RANBP17: variants seen among roughly 807,000 people sequenced by gnomAD.
RANBP17 encodes RAN binding protein 17.
Under a neutral mutation model 141.2 loss-of-function variants are expected in RANBP17, and 158 were observed. The ratio of observed to expected loss-of-function variants is 1.12; its 90% CI spans 0.98 to 1.28. The LOEUF is 1.28. RANBP17 is among the 50% of genes most tolerant of loss of function. RANBP17 has a pLI of 0.00. For synonymous variants in RANBP17, 430 were observed against 450.0 expected (o/e 0.96, Z 0.56); for missense variants, 1,438 against 1,290.7 (o/e 1.11, Z -1.75).
At chr5:171,124,086 A>G (rs1756248641) in intron 14 of RANBP17, among the ~76,000 whole-genome samples, 1 of 152,180 alleles carries the variant, frequency 6.6e-6, no homozygotes. Context: ...GATAAGATAC[A>G]AGAAAACACA....
At chr5:170,904,499 C>A (rs935589024) in intron 5 of RANBP17, 1 of 152,336 alleles carries the variant, frequency 6.6e-6, no homozygotes, top group Admixed American at 6.5e-5. Context: ...CTTAATTTCA[C>A]GTTTTTTCTC....
At chr5:171,100,177 T>C (rs907108231) in intron 14 of RANBP17, among the ~76,000 whole-genome samples, 5 of 152,208 alleles carry the variant, frequency 3.3e-5, no homozygotes, top group African/African-American at 9.6e-5. Context: ...TCAGAAGGAA[T>C]GGTACCAGCT....
chr5:171,201,503 C>T lies in RANBP17; in HGVS notation c.2142+1730C>T, dbSNP rs1420532871. ...ACTCCGTGCTTCCGTCCTAAATGTT[C>T]ATCAAAAGACGCCCTGCAGGAAAAT... On this transcript the variant is annotated intron_variant, in intron 19 of 27. Coordinates refer to ENST00000523189, the MANE Select transcript of RANBP17 (RefSeq NM_022897.5). Among the ~76,000 whole-genome samples, 4 of 152,230 alleles carry T rather than the reference C, an allele frequency of 2.6e-5. No homozygotes were observed. The East Asian group carries it at 7.7e-4, about 29-fold the overall frequency.
chr5:170,928,416 A>G (rs770349537), intron 12 of RANBP17, among the ~76,000 whole-genome samples: 21 of 152,030 alleles, frequency 1.4e-4, no homozygotes, highest in Non-Finnish European at 2.5e-4. Flanking sequence ...ATCTTTTCTA[A>G]CCTAATGCTA....
At chr5:171,192,500 A>G (rs1368595877) in intron 18 of RANBP17, among the ~76,000 whole-genome samples, 2 of 152,144 alleles carry the variant, frequency 1.3e-5, no homozygotes, top group African/African-American at 4.8e-5. Context: ...TCCGGGAACT[A>G]AAATAAACAC....
At chr5:170,907,071 A>T (rs1211509150) in intron 5 of RANBP17, among the ~76,000 whole-genome samples, 1 of 151,948 alleles carries the variant, frequency 6.6e-6, no homozygotes, top group African/African-American at 2.4e-5. Context: ...TATTCTAGTT[A>T]TCAGATGTGA....
intron 12 of RANBP17, among the ~76,000 whole-genome samples, chr5:170,942,315 T>C (rs1774391815): frequency 6.6e-6 from 1 of 152,128 alleles, no homozygotes; most frequent in Non-Finnish European, 1.5e-5. Flanking sequence ...TGTACAATAA[T>C]ATTCATAGCA....
rs139734795 is a variant in RANBP17 at position 171,212,981 on chromosome 5, A to C, written c.2232-650A>C. The stretch of plus-strand genomic sequence containing the variant: ...TTAGAGAATGTCTCCTTGTGTGTAC[A>C]TGGGACTATCTTTAGTGACACTGAT... On this transcript the variant is annotated intron_variant, in intron 20 of 27. Coordinates refer to ENST00000523189, the MANE Select transcript of RANBP17 (RefSeq NM_022897.5). Among the ~76,000 whole-genome samples the C allele has an allele frequency of 7.9e-5, 12 of 152,308 alleles. No homozygotes were observed. In the East Asian group the frequency reaches 2.1e-3, roughly 27 times the overall value.
At chr5:171,255,747 A>G (rs1037412829) in intron 24 of RANBP17, among the ~76,000 whole-genome samples, 1 of 152,144 alleles carries the variant, frequency 6.6e-6, no homozygotes, top group Non-Finnish European at 1.5e-5. Flanking sequence ...TTGTGAGGTT[A>G]TATGTTGGTT....
intron 14 of RANBP17, among the ~76,000 whole-genome samples, chr5:171,005,640 C>A (rs549264061): frequency 1.3e-5 from 2 of 152,140 alleles, no homozygotes; most frequent in Admixed American, 6.5e-5. Flanking sequence ...CCATAAAAAC[C>A]CTAGAAGAAA....
chr5:170,894,039 G>A (rs998587554), intron 4 of RANBP17, among the ~76,000 whole-genome samples: 4 of 152,156 alleles, frequency 2.6e-5, no homozygotes, highest in East Asian at 1.9e-4. Flanking sequence ...TCTTATCTAT[G>A]TTGTTAAAAC....
intron 14 of RANBP17, among the ~76,000 whole-genome samples, chr5:171,131,158 C>T (rs891229136): frequency 6.6e-6 from 1 of 152,176 alleles, no homozygotes; most frequent in African/African-American, 2.4e-5. Flanking sequence ...ATTTAACTCA[C>T]AAGGCTGTTA....
intron 14 of RANBP17, among the ~76,000 whole-genome samples, chr5:171,077,102 G>A (rs1281952774): frequency 6.6e-6 from 1 of 152,172 alleles, no homozygotes; most frequent in Non-Finnish European, 1.5e-5. Flanking sequence ...CACTTTGGGA[G>A]GCCGAGGCAG....
At chr5:170,923,341 T>G (rs1276202404) in intron 11 of RANBP17, among the ~76,000 whole-genome samples, 1 of 152,244 alleles carries the variant, frequency 6.6e-6, no homozygotes, top group Non-Finnish European at 1.5e-5. Context: ...TTCTGGACTC[T>G]GTCTTCATTA....
chr5:170,935,636 C>G (rs1395515897), intron 12 of RANBP17, among the ~76,000 whole-genome samples: 1 of 151,892 alleles, frequency 6.6e-6, no homozygotes. Flanking sequence ...GATGTTGCTG[C>G]CTAATCCTTC....
intron 14 of RANBP17, among the ~76,000 whole-genome samples, chr5:171,058,725 AG>A (rs1783588133): frequency 6.6e-6 from 1 of 150,990 alleles, no homozygotes; most frequent in Non-Finnish European, 1.5e-5. Flanking sequence ...TAGATCCCTG[AG>A]GAATCGCCAC....
At chr5:170,994,590 TC>T (rs1261551827) in intron 14 of RANBP17, among the ~76,000 whole-genome samples, 1 of 152,090 alleles carries the variant, frequency 6.6e-6, no homozygotes, top group Non-Finnish European at 1.5e-5. Context: ...TGGACCAGAT[TC>T]TATCCCAAGA....
intron 22 of RANBP17, among the ~76,000 whole-genome samples, chr5:171,229,259 C>G (rs56061677): frequency 5.8e-4 from 89 of 152,332 alleles, no homozygotes; most frequent in Non-Finnish European, 1.1e-3. Flanking sequence ...GTGGAATGAT[C>G]AACACCTTGG....
intron 14 of RANBP17, among the ~76,000 whole-genome samples, chr5:171,132,882 G>T (rs754018423): frequency 2.6e-4 from 40 of 152,002 alleles, no homozygotes; most frequent in Non-Finnish European, 4.7e-4. Context: ...AGATTAGTCA[G>T]AATGTTTGTC....
Sources: gnomAD v4.1 joint callset for allele counts (sites outside exome capture counted in the v4.1 genomes callset) on GRCh38, gnomAD v4.1.1 for gene constraint, MANE v1.5 for transcripts, NCBI Gene and HGNC (gene_info 2026-07-23, HGNC 2026-07-21) for gene names.